Variants in PHF20 observed in about 807,000 individuals in gnomAD.
PHF20 encodes glioma-expressed antigen 2.
A neutral mutation model predicts 113.5 loss-of-function variants in PHF20; 23 were observed. The ratio of observed to expected loss-of-function variants is 0.20; its 90% CI spans 0.15 to 0.29. The LOEUF is 0.29. Among genes scored for constraint, PHF20 ranks in the 10% least tolerant of loss-of-function variants. The probability of loss-of-function intolerance (pLI) is 1.00; values close to 1 mark genes in which losing one functional copy is unlikely to be tolerated. For missense variants in PHF20, 943 were observed against 1,219.6 expected, an observed-to-expected ratio of 0.77 and a Z score of 3.38; for synonymous variants, 434 against 457.3, an observed-to-expected ratio of 0.95 and a Z score of 0.65.
At chr20:35,942,984 C>T (rs539744306) in intron 17 of PHF20, among the ~76,000 whole-genome samples, 10 of 152,026 alleles carry the variant, frequency 6.6e-5, no homozygotes, top group South Asian at 2.1e-4. Context: ...CCACCAGGCC[C>T]GGCTAATTTT....
intron 9 of PHF20, among the ~76,000 whole-genome samples, chr20:35,879,288 C>A (rs2054584307): frequency 6.6e-6 from 1 of 151,984 alleles, no homozygotes; most frequent in Non-Finnish European, 1.5e-5. Flanking sequence ...AATACAGCTG[C>A]ATAATGGTAG....
intron 13 of PHF20, among the ~76,000 whole-genome samples, chr20:35,926,394 C>G (rs1010664041): frequency 6.6e-6 from 1 of 151,240 alleles, no homozygotes; most frequent in African/African-American, 2.4e-5. Context: ...CCCGCCACCA[C>G]GCCCGGCTAA....
intron 1 of PHF20, among the ~76,000 whole-genome samples, chr20:35,776,450 G>C (rs1343268091): frequency 6.6e-6 from 1 of 152,222 alleles, no homozygotes; most frequent in African/African-American, 2.4e-5. Context: ...CATGCTTTAT[G>C]ATGATCTTTC....
At chr20:35,934,660 T>C (rs892072993) in intron 15 of PHF20, among the ~76,000 whole-genome samples, 1 of 151,856 alleles carries the variant, frequency 6.6e-6, no homozygotes, top group Non-Finnish European at 1.5e-5. Flanking sequence ...GGGCAAATAG[T>C]TTCATGGACA....
intron 2 of PHF20, among the ~76,000 whole-genome samples, chr20:35,821,439 A>T (rs1389763866): frequency 2.6e-5 from 4 of 151,630 alleles, no homozygotes; most frequent in African/African-American, 7.3e-5. Flanking sequence ...CTGTCAAAAA[A>T]AAAAAAGGGG....
intron 13 of PHF20, among the ~76,000 whole-genome samples, chr20:35,919,847 A>G (rs2055478212): frequency 6.6e-6 from 1 of 152,250 alleles, no homozygotes; most frequent in African/African-American, 2.4e-5. Flanking sequence ...AGGAGATTGT[A>G]AAGAGGTGTA....
chr20:35,790,408 C>A (rs994989800), intron 1 of PHF20, among the ~76,000 whole-genome samples: 2 of 151,898 alleles, frequency 1.3e-5, no homozygotes, highest in African/African-American at 4.8e-5. Context: ...ACCATGTTGA[C>A]AAGGCTGGTC....
intron 2 of PHF20, among the ~76,000 whole-genome samples, chr20:35,810,348 C>T (rs577804375): frequency 1.2e-3 from 190 of 152,262 alleles, no homozygotes; most frequent in Admixed American, 2.0e-3. Flanking sequence ...CCACCCTTCA[C>T]CTGTTTTACA....
At chr20:35,826,927 A>C (rs540853713) in intron 2 of PHF20, among the ~76,000 whole-genome samples, 10 of 152,322 alleles carry the variant, frequency 6.6e-5, no homozygotes, top group South Asian at 2.1e-4. Flanking sequence ...GTGAAGGGGT[A>C]GGGAAAGAGT....
Position 35,927,760 on chromosome 20 carries a change from TG to T in PHF20, c.2005-19del, listed in dbSNP as rs1354559770. On this transcript the variant is annotated intron_variant, in intron 13 of 17. Coordinates refer to ENST00000374012, the MANE Select transcript of PHF20 (RefSeq NM_016436.5). ...AACACCTTCTGAGTTTAATTTTTGT[TG>T]CTTCTTTAATTCTAACAGTGTGAAG... 1 of 1,585,764 alleles carries T rather than the reference TG, an allele frequency of 6.3e-7. No individual in the cohort carries two copies. The highest frequency in any genetic ancestry group is 1.7e-5 in the Admixed American group (1 of 59,980).
chr20:35,857,562 C>CTTTTTTTTTTTTTGTTTTT (rs2042855214), intron 4 of PHF20, among the ~76,000 whole-genome samples: 1 of 99,674 alleles, frequency 1.0e-5, no homozygotes, highest in African/African-American at 3.7e-5. Context: ...AATGATGTTC[C>CTTTTTTTTTTTTTGTTTTT]TTTTTTTTTT....
intron 1 of PHF20, among the ~76,000 whole-genome samples, chr20:35,783,915 G>T (rs571797638): frequency 5.3e-5 from 8 of 151,972 alleles, no homozygotes; most frequent in Non-Finnish European, 1.2e-4. Flanking sequence ...AACCCAGGAG[G>T]CGGAGGTTGT....
In PHF20 at chr20:35,869,476, T is replaced by C. The variant is rs779467677; in HGVS notation, c.847T>C (p.Leu283=). 1 of 1,611,678 alleles carries C rather than the reference T, an allele frequency of 6.2e-7. No homozygotes were observed. The highest frequency in any genetic ancestry group is 8.5e-7 in the Non-Finnish European group (1 of 1,178,616). ...SNSQTLQPIT[L]ELRRRKISKG... ...CTCTCAAACTTTGCAACCAATAACATTGGAACTGAGAAGAAGGAAAATATC... is the reference window on the plus strand; with the variant it reads ...CTCTCAAACTTTGCAACCAATAACACTGGAACTGAGAAGAAGGAAAATATC... Residue 283 remains leucine, a synonymous_variant, in exon 7 of 18, where the codon TTG becomes CTG. Transcript: ENST00000374012.
intron 1 of PHF20, chr20:35,774,372 A>G (rs2041130861): frequency 6.6e-6 from 1 of 152,256 alleles, no homozygotes. Flanking sequence ...AGCCCGGCCA[A>G]CCTCTTGTCA....
chr20:35,938,028 C>T (rs867991879), intron 15 of PHF20, among the ~76,000 whole-genome samples: 3 of 152,248 alleles, frequency 2.0e-5, no homozygotes, highest in Middle Eastern at 3.4e-3. Context: ...CCCGCCACCA[C>T]GTCCAGCTAA....
At chr20:35,936,281 T>C (rs1854830956) in intron 15 of PHF20, among the ~76,000 whole-genome samples, 1 of 152,204 alleles carries the variant, frequency 6.6e-6, no homozygotes, top group Non-Finnish European at 1.5e-5. Context: ...GCTGATACCC[T>C]GTCTGGAGGT....
At chr20:35,781,262 G>A (rs1317642652) in intron 1 of PHF20, among the ~76,000 whole-genome samples, 1 of 151,834 alleles carries the variant, frequency 6.6e-6, no homozygotes, top group Non-Finnish European at 1.5e-5. Flanking sequence ...TCATGCCTCA[G>A]CCTCCTGAGT....
intron 1 of PHF20, among the ~76,000 whole-genome samples, chr20:35,779,430 T>C (rs777259777): frequency 5.9e-5 from 9 of 152,130 alleles, no homozygotes; most frequent in Non-Finnish European, 1.0e-4. Flanking sequence ...AGAAGGATAT[T>C]TGGGGGTCTC....
In PHF20 at chr20:35,917,598, G is replaced by A. The variant is rs2055429988; in HGVS notation, c.1940G>A (p.Arg647His). The A allele has an allele frequency of 1.2e-6, 2 of 1,613,980 alleles. No individual in the cohort carries two copies. Among genetic ancestry groups the A allele is most frequent in the African/African-American group, 1.3e-5 (1 of 74,912 alleles). ...NPDEELDGDD[R>H]YDFEVVRCIC... is the part of the protein sequence containing the mutation. ...GATGAGGAACTTGATGGGGATGACC[G>A]CTATGACTTCGAGGTGGTCCGCTGC... The change falls in exon 13 of 18, where the codon CGC becomes CAC. Residue 647 changes from arginine to histidine, a missense_variant. Arg to His is a conservative substitution (Grantham distance 29, BLOSUM62 0). This residue lies in a region of PHF20 where 592 missense variants were observed against 787.2 expected (regional missense o/e 0.75). Coordinates refer to ENST00000374012, the MANE Select transcript of PHF20 (RefSeq NM_016436.5).
Sources: gnomAD v4.1 joint callset for allele counts (sites outside exome capture counted in the v4.1 genomes callset) on GRCh38, gnomAD v4.1.1 for gene constraint, gnomAD v4.1.1 regional missense constraint, MANE v1.5 for transcripts, NCBI Gene and HGNC (gene_info 2026-07-23, HGNC 2026-07-21) for gene names.